Variants in CTNNA2 observed in about 807,000 individuals in gnomAD.
CTNNA2 encodes the protein catenin alpha-2.
A neutral mutation model predicts 101.0 loss-of-function variants in CTNNA2; 42 were observed. The observed-to-expected ratio is 0.42, with a 90% CI of 0.32 to 0.54. The LOEUF (loss-of-function observed/expected upper bound fraction) is 0.54. CTNNA2 is among the 20% of genes least tolerant of loss of function. CTNNA2 has a pLI of 0.14. For synonymous variants in CTNNA2, 450 were observed against 456.4 expected (o/e 0.99, Z 0.18); for missense variants, 871 against 1,223.1 (o/e 0.71, Z 4.29).
At chr2:79,923,235 T>C (rs1394770328) in intron 7 of CTNNA2, among the ~76,000 whole-genome samples, 1 of 152,124 alleles carries the variant, frequency 6.6e-6, no homozygotes, top group East Asian at 1.9e-4. Context: ...AGACTGTCGA[T>C]CATGTAAGAG....
rs575420971 is a variant in CTNNA2, at chr2:80,643,019, G to T, written c.2575-4566G>T. On this transcript the variant is annotated intron_variant, in intron 18 of 18. Coordinates refer to ENST00000402739, the MANE Select transcript of CTNNA2 (RefSeq NM_001282597.3). ...TAAAACAGCTCTCCTGCCCCTATTT[G>T]CTTTTCATGGACTGTAATAGCACAA... Among the ~76,000 whole-genome samples the T allele has an allele frequency of 2.0e-5, 3 of 152,202 alleles. No individual in the cohort carries two copies. In the South Asian group the frequency reaches 6.2e-4, roughly 32 times the overall value.
intron 7 of CTNNA2, among the ~76,000 whole-genome samples, chr2:80,041,644 C>T (rs1452423622): frequency 6.6e-6 from 1 of 152,112 alleles, no homozygotes; most frequent in African/African-American, 2.4e-5. Flanking sequence ...ACATTCCTGT[C>T]TTCGAAGAGG....
intron 18 of CTNNA2, among the ~76,000 whole-genome samples, chr2:80,621,259 A>T (rs1369112438): frequency 2.0e-5 from 3 of 151,962 alleles, no homozygotes; most frequent in Admixed American, 6.6e-5. Flanking sequence ...ATGGTATATT[A>T]TTGAAGAAAT....
chr2:79,591,363 G>A (rs566612777), intron 1 of CTNNA2, among the ~76,000 whole-genome samples: 7 of 152,248 alleles, frequency 4.6e-5, no homozygotes, highest in South Asian at 4.2e-4. Flanking sequence ...CTTGAAGACC[G>A]TATTAAGACA....
Position 80,089,701 on chromosome 2 carries a change from T to C in CTNNA2, c.1056+179904T>C, listed in dbSNP as rs896456336. ...GCATCATTTGGCCTCACCCACTGCC[T>C]TCACTATGAGTATTGTCAGCAACTT... On this transcript the variant is annotated intron_variant, in intron 7 of 18. Coordinates refer to ENST00000402739, the MANE Select transcript of CTNNA2 (RefSeq NM_001282597.3). 3.9e-5 allele frequency among the ~76,000 whole-genome samples: 6 copies of C among 152,030 alleles called. No individual in the cohort carries two copies. In the East Asian group the frequency reaches 1.2e-3, roughly 29 times the overall value.
intron 12 of CTNNA2, chr2:80,573,307 T>G (rs1248212228): frequency 2.6e-5 from 4 of 152,228 alleles, no homozygotes; most frequent in Admixed American, 2.6e-4. Context: ...GAGTTTACTT[T>G]CCACTAATCT....
chr2:79,353,490 A>G (rs908486606), intron 3 of CTNNA2, among the ~76,000 whole-genome samples: 2 of 150,962 alleles, frequency 1.3e-5, no homozygotes, highest in African/African-American at 4.9e-5. Context: ...AATAGCAACA[A>G]CCCCTCTTTT....
chr2:80,463,280 G>A (rs548855694), intron 9 of CTNNA2, among the ~76,000 whole-genome samples: 178 of 152,214 alleles, frequency 1.2e-3, no homozygotes, highest in African/African-American at 4.2e-3. Context: ...TGTGAGCAGA[G>A]GAAAATAAAA....
chr2:79,975,139 G>A (rs1326043855), intron 7 of CTNNA2, among the ~76,000 whole-genome samples: 1 of 148,712 alleles, frequency 6.7e-6, no homozygotes, highest in South Asian at 2.1e-4. Context: ...AAATGGATAA[G>A]GAGTGACTTG....
chr2:80,376,185 TTCC>T (rs1306844465), intron 7 of CTNNA2, among the ~76,000 whole-genome samples: 2 of 152,210 alleles, frequency 1.3e-5, no homozygotes, highest in African/African-American at 4.8e-5. Context: ...ATATGTCTAA[TTCC>T]TAAATCCTAA....
rs1241969167 is a variant in CTNNA2 at position 79,651,633 on chromosome 2, G to C, written c.77G>C (p.Arg26Thr). The C allele has an allele frequency of 6.2e-7, 1 of 1,613,796 alleles. No homozygotes were observed. Among genetic ancestry groups the C allele is most frequent in the Non-Finnish European group, 8.5e-7 (1 of 1,179,802 alleles). Residue 26 changes from arginine (R) to threonine (T), a missense_variant, in exon 2 of 19, where the codon AGG becomes ACG. Physicochemically the swap from Arg to Thr is moderately conservative, Grantham distance 71. This residue lies in a region of CTNNA2 where 647 missense variants were observed against 831.5 expected (regional missense o/e 0.78). Transcript: ENST00000402739. ...SLEIRTLTVE[R>T]LLEPLVTQVT... ...GAAATCCGGACGCTAACAGTGGAAAGGCTGTTGGAGCCACTTGTTACACAG... is the reference window on the plus strand; with the variant it reads ...GAAATCCGGACGCTAACAGTGGAAACGCTGTTGGAGCCACTTGTTACACAG...
intron 1 of CTNNA2, among the ~76,000 whole-genome samples, chr2:79,560,140 G>C (rs1674688726): frequency 6.6e-6 from 1 of 151,334 alleles, no homozygotes; most frequent in Non-Finnish European, 1.5e-5. Flanking sequence ...ACAACTTGGA[G>C]CAAGTGGCTT....
chr2:80,534,277 C>T (rs4395269), intron 9 of CTNNA2, among the ~76,000 whole-genome samples: 69,075 of 151,982 alleles, frequency 0.45, 15,924 homozygotes, highest in South Asian at 0.56. Flanking sequence ...CAAATTTCTT[C>T]GTTGTACCAT....
intron 7 of CTNNA2, among the ~76,000 whole-genome samples, chr2:80,316,063 G>T (rs1007565640): frequency 2.6e-5 from 4 of 152,140 alleles, no homozygotes; most frequent in African/African-American, 9.7e-5. Flanking sequence ...CCCTTTCTTA[G>T]AATTGCTATC....
At chr2:79,426,475 A>G (rs1393722987) in intron 4 of CTNNA2, among the ~76,000 whole-genome samples, 1 of 152,146 alleles carries the variant, frequency 6.6e-6, no homozygotes, top group Non-Finnish European at 1.5e-5. Flanking sequence ...GTAGTCTCTT[A>G]ATATGCTCCA....
At position 80,589,315 on chromosome 2, in the gene CTNNA2, G is replaced by A. The variant is rs765021278; in HGVS notation, c.2019G>A (p.Ala673=). 13 of 1,613,870 alleles carry A rather than the reference G, an allele frequency of 8.1e-6. No individual in the cohort carries two copies. The highest frequency in any genetic ancestry group is 4.5e-5 in the East Asian group (2 of 44,860). The change falls in exon 15 of 19, where the codon GCG becomes GCA. Residue 673 remains alanine, a synonymous_variant. Coordinates refer to ENST00000402739, the MANE Select transcript of CTNNA2 (RefSeq NM_001282597.3). ...IAGQSARAIM[A]QLPQEEKAKI... is the part of the protein sequence containing the mutation. Reference sequence around the variant, plus strand: ...TGTAACCCACGCAGGCCATCATGGCGCAACTACCGCAGGAGGAGAAGGCAA... The same window carrying A: ...TGTAACCCACGCAGGCCATCATGGCACAACTACCGCAGGAGGAGAAGGCAA...
intron 7 of CTNNA2, among the ~76,000 whole-genome samples, chr2:79,990,919 TG>T (rs1406281215): frequency 2.0e-5 from 3 of 152,170 alleles, no homozygotes; most frequent in Non-Finnish European, 2.9e-5. Flanking sequence ...GGACTTTTTT[TG>T]GTTGGTAAGC....
At chr2:80,576,624 CT>C (rs1388300116) in intron 13 of CTNNA2, among the ~76,000 whole-genome samples, 1 of 151,740 alleles carries the variant, frequency 6.6e-6, no homozygotes, top group Non-Finnish European at 1.5e-5. Flanking sequence ...TCTGGCCACA[CT>C]TTTATCAACT....
chr2:79,467,071 A>G (rs985182809), intron 4 of CTNNA2, among the ~76,000 whole-genome samples: 1 of 152,252 alleles, frequency 6.6e-6, no homozygotes, highest in Non-Finnish European at 1.5e-5. Context: ...AGATGATCAA[A>G]CTTCTCTGAG....
Sources: allele counts gnomAD v4.1 joint callset (sites outside exome capture counted in the v4.1 genomes callset), GRCh38; gene constraint gnomAD v4.1.1; regional missense constraint gnomAD v4.1.1; transcripts MANE v1.5; gene names NCBI Gene and HGNC (gene_info 2026-07-23, HGNC 2026-07-21).